The following RAB39A variants were observed in gnomAD, a reference collection of about 807,000 sequenced individuals.
RAB39A encodes RAB39A, member RAS oncogene family.
Under a neutral mutation model 20.9 loss-of-function variants are expected in RAB39A, and 17 were observed. The ratio of observed to expected loss-of-function variants is 0.81; its 90% confidence interval spans 0.56 to 1.22. RAB39A has a LOEUF of 1.22. Among genes scored for constraint, RAB39A ranks in the 50% most tolerant of loss-of-function variants. RAB39A has a pLI of 0.00. For missense variants in RAB39A, 234 were observed against 270.5 expected (o/e 0.87, Z 0.95); for synonymous variants, 99 against 103.4 (o/e 0.96, Z 0.26).
Position 107,948,491 on chromosome 11 carries a change from TC to T in RAB39A, c.228-13450del, listed in dbSNP as rs964141951. On this transcript the variant is annotated intron_variant, in intron 1 of 1. Coordinates refer to ENST00000320578, the MANE Select transcript of RAB39A (RefSeq NM_017516.3). ...AAGCACAGCCTTCACCCCGCACCCCTCCCCCGACCACCCCCAGCCGAGAGGG... is the reference window on the plus strand; with the variant it reads ...AAGCACAGCCTTCACCCCGCACCCCTCCCCGACCACCCCCAGCCGAGAGGG... Among the ~76,000 whole-genome samples, 41 of 144,534 alleles carry T rather than the reference TC, an allele frequency of 2.8e-4. 1 individual carries two copies. Among genetic ancestry groups the T allele is most frequent in the Admixed American group, 2.8e-3 (40 of 14,530 alleles). 94.8% of individuals were successfully genotyped at this position (144,534 alleles called of 152,430 possible).
intron 1 of RAB39A, among the ~76,000 whole-genome samples, chr11:107,957,384 T>C (rs1394819867): frequency 1.3e-5 from 2 of 152,150 alleles, no homozygotes; most frequent in African/African-American, 4.8e-5. Context: ...GAAGTTGCAC[T>C]GGGGAAACAG....
rs1351263862 is a variant in RAB39A at position 107,962,189 on chromosome 11, A to T, written c.471A>T (p.Ser157=). 1 of 1,614,040 alleles carries T rather than the reference A, an allele frequency of 6.2e-7. No individual in the cohort carries two copies. Among genetic ancestry groups the T allele is most frequent in the Admixed American group, 1.7e-5 (1 of 60,008 alleles). The change falls in exon 2 of 2, where the codon TCA becomes TCT. Residue 157 remains serine (S), a synonymous_variant. Transcript: ENST00000320578. ...GTGGAATGAAGTATATAGAAACCTCAGCAAAGGATGCTACAAATGTTGAAG... is the reference window on the plus strand; with the variant it reads ...GTGGAATGAAGTATATAGAAACCTCTGCAAAGGATGCTACAAATGTTGAAG... ...ADCGMKYIET[S]AKDATNVEES...
intron 1 of RAB39A, among the ~76,000 whole-genome samples, chr11:107,961,166 T>C (rs1419749155): frequency 1.3e-5 from 2 of 152,142 alleles, no homozygotes; most frequent in African/African-American, 2.4e-5. Flanking sequence ...TACCACAGAA[T>C]GGGGATTTAA....
chr11:107,934,527 T>C (rs542725761), intron 1 of RAB39A, among the ~76,000 whole-genome samples: 1 of 152,328 alleles, frequency 6.6e-6, no homozygotes, highest in African/African-American at 2.4e-5. Flanking sequence ...GCATATTCTT[T>C]GAGCAGAACC....
chr11:107,934,028 C>G (rs565839143), intron 1 of RAB39A, among the ~76,000 whole-genome samples: 1 of 152,168 alleles, frequency 6.6e-6, no homozygotes, highest in Non-Finnish European at 1.5e-5. Flanking sequence ...ATGGCACTCT[C>G]TTAAAAATTC....
intron 1 of RAB39A, among the ~76,000 whole-genome samples, chr11:107,939,771 T>C (rs1482076264): frequency 2.0e-5 from 3 of 152,170 alleles, no homozygotes; most frequent in Non-Finnish European, 2.9e-5. Flanking sequence ...AGTATTGATA[T>C]GTGGCTGATG....
intron 1 of RAB39A, among the ~76,000 whole-genome samples, chr11:107,934,052 G>C (rs1429089135): frequency 6.6e-6 from 1 of 152,138 alleles, no homozygotes; most frequent in African/African-American, 2.4e-5. Flanking sequence ...TCAAAGGCTC[G>C]AAGAAGTATT....
chr11:107,933,848 G>A (rs1380079089), intron 1 of RAB39A, among the ~76,000 whole-genome samples: 1 of 150,838 alleles, frequency 6.6e-6, no homozygotes, highest in Non-Finnish European at 1.5e-5. Context: ...TAGAGACGAG[G>A]TTTCACCATA....
intron 1 of RAB39A, among the ~76,000 whole-genome samples, chr11:107,930,248 C>G (rs1861122253): frequency 6.6e-6 from 1 of 152,082 alleles, no homozygotes; most frequent in South Asian, 2.1e-4. Context: ...TTTCAAGAAG[C>G]CTCCTTTTAT....
chr11:107,962,672 G>C lies in RAB39A; in HGVS notation c.*300G>C, dbSNP rs1178003084. 4.1e-6 allele frequency: 1 copy of C among 241,678 alleles called. No individual in the cohort carries two copies. The highest frequency in any genetic ancestry group is 8.0e-6 in the Non-Finnish European group (1 of 124,536). 15.0% of individuals were successfully genotyped at this position (241,678 alleles called of 1,614,324 possible). A position where few individuals can be genotyped will look rare whatever the true frequency, so the allele number is the denominator to read the frequency against. ...TATGTCACTATTACTCATTTTTCTTGACAGTTCAAATGGATTTTTGTGCAT... is the reference window on the plus strand; with the variant it reads ...TATGTCACTATTACTCATTTTTCTTCACAGTTCAAATGGATTTTTGTGCAT... On this transcript the variant is annotated 3_prime_UTR_variant, in exon 2 of 2. Transcript: ENST00000320578.
intron 1 of RAB39A, among the ~76,000 whole-genome samples, chr11:107,930,243 A>G (rs1861122197): frequency 6.6e-6 from 1 of 152,208 alleles, no homozygotes; most frequent in Non-Finnish European, 1.5e-5. Context: ...TTCCTTTTCA[A>G]GAAGCCTCCT....
chr11:107,940,892 G>A (rs991612378), intron 1 of RAB39A, among the ~76,000 whole-genome samples: 1 of 151,882 alleles, frequency 6.6e-6, no homozygotes, highest in Non-Finnish European at 1.5e-5. Flanking sequence ...AGAATCACTT[G>A]AACCCGGGAG....
At chr11:107,933,318 TGTGTGTGTGTG>T (rs1861157647) in intron 1 of RAB39A, among the ~76,000 whole-genome samples, 1 of 1,584 alleles carries the variant, frequency 6.3e-4, no homozygotes, top group Non-Finnish European at 4.6e-3. Context: ...TATATATGTG[TGTGTGTGTGTG>T]TGTGTGTGTG....
intron 1 of RAB39A, among the ~76,000 whole-genome samples, chr11:107,937,260 G>C (rs1861203473): frequency 6.6e-6 from 1 of 151,296 alleles, no homozygotes; most frequent in Admixed American, 6.6e-5. Flanking sequence ...TTAGCCTCCT[G>C]AGTAGCTAGG....
At chr11:107,952,611 G>A (rs141861382) in intron 1 of RAB39A, among the ~76,000 whole-genome samples, 144 of 152,194 alleles carry the variant, frequency 9.5e-4, no homozygotes, top group East Asian at 7.7e-4. Context: ...GCCAGGTGCT[G>A]TGACTCACAC....
chr11:107,947,423 A>G (rs1472289701), intron 1 of RAB39A, among the ~76,000 whole-genome samples: 4 of 152,164 alleles, frequency 2.6e-5, no homozygotes, highest in Non-Finnish European at 5.9e-5. Context: ...ATTTTTCTTT[A>G]AACAATAAAG....
intron 1 of RAB39A, among the ~76,000 whole-genome samples, chr11:107,953,761 GA>G (rs909235906): frequency 3.9e-5 from 6 of 152,076 alleles, no homozygotes; most frequent in Non-Finnish European, 8.8e-5. Flanking sequence ...TGTTTATGGG[GA>G]AAAAATACCA....
At chr11:107,947,210 T>G (rs1177774529) in intron 1 of RAB39A, among the ~76,000 whole-genome samples, 1 of 151,946 alleles carries the variant, frequency 6.6e-6, no homozygotes, top group Non-Finnish European at 1.5e-5. Context: ...CACACCATTC[T>G]CCTGCCTCAG....
rs1861501853 is a variant in RAB39A at position 107,962,042 on chromosome 11, A to G, written c.324A>G (p.Leu108=). The G allele has an allele frequency of 1.2e-6, 2 of 1,614,030 alleles. No individual in the cohort carries two copies. Among genetic ancestry groups the G allele is most frequent in the African/African-American group, 2.7e-5 (2 of 74,944 alleles). ...RRSFEHVKDW[L]EEAKMYVQPF... Reference sequence around the variant, plus strand: ...CTTTTGAACATGTGAAAGATTGGCTAGAAGAAGCAAAAATGTATGTACAGC... The same window carrying G: ...CTTTTGAACATGTGAAAGATTGGCTGGAAGAAGCAAAAATGTATGTACAGC... Residue 108 remains leucine, a synonymous_variant, in exon 2 of 2, where the codon CTA becomes CTG. Transcript: ENST00000320578.
Sources: allele counts gnomAD v4.1 joint callset (sites outside exome capture counted in the v4.1 genomes callset), GRCh38; gene constraint gnomAD v4.1.1; transcripts MANE v1.5; gene names NCBI Gene and HGNC (gene_info 2026-07-23, HGNC 2026-07-21).